The following PARD3B variants were observed in gnomAD, a reference collection of about 807,000 sequenced individuals.
The protein encoded by PARD3B is partitioning defective 3 homolog B.
In PARD3B, 103 loss-of-function variants were observed where a neutral mutation model predicts 130.2. The observed-to-expected ratio is 0.79, with a 90% confidence interval of 0.67 to 0.93. The LOEUF (loss-of-function observed/expected upper bound fraction) is 0.93. PARD3B is among the 40% of genes least tolerant of loss of function. PARD3B has a pLI of 0.00. For synonymous variants in PARD3B, 583 were observed against 553.2 expected, an observed-to-expected ratio of 1.05 and a Z score of -0.76; for missense variants, 1,609 against 1,499.2, an observed-to-expected ratio of 1.07 and a Z score of -1.21.
At position 205,460,241 on chromosome 2, in the gene PARD3B, T is replaced by A. The variant is rs2048403519; in HGVS notation, c.3044+19569T>A. Among the ~76,000 whole-genome samples the A allele has an allele frequency of 2.0e-5, 3 of 152,196 alleles. No individual in the cohort carries two copies. The highest frequency in any genetic ancestry group is 2.0e-4 in the Admixed American group (3 of 15,272). On this transcript the variant is annotated intron_variant, in intron 20 of 22. Coordinates refer to ENST00000406610, the MANE Select transcript of PARD3B (RefSeq NM_001302769.2). The surrounding 1 kb of genome is among the most constrained non-coding windows in gnomAD (Gnocchi z 4.9). ...GAGTCTAAATGCAGCTTTGAGGATATGCAGTTCGTAAATTTCCTACTGGGT... is the reference window on the plus strand; with the variant it reads ...GAGTCTAAATGCAGCTTTGAGGATAAGCAGTTCGTAAATTTCCTACTGGGT...
chr2:205,210,745 A>G (rs1046430965), intron 15 of PARD3B, among the ~76,000 whole-genome samples: 1 of 151,974 alleles, frequency 6.6e-6, no homozygotes, highest in Non-Finnish European at 1.5e-5. Flanking sequence ...TGCCAGTGTT[A>G]TAGGCTTAAA....
rs1460397538 is a variant in PARD3B at position 205,022,612 on chromosome 2, A to G, written c.395-24969A>G. ...ATCTTAGAATTGCCAAGGTAGATGG[A>G]AGATGAAGAGAAAATCCGGATTCCA... On this transcript the variant is annotated intron_variant, in intron 3 of 22. Coordinates refer to ENST00000406610, the MANE Select transcript of PARD3B (RefSeq NM_001302769.2). Among the ~76,000 whole-genome samples the G allele has an allele frequency of 4.6e-5, 7 of 152,312 alleles. No individual in the cohort carries two copies. The East Asian group carries it at 1.4e-3, about 29-fold the overall frequency.
At position 204,908,007 on chromosome 2, in the gene PARD3B, A is replaced by G. The variant is rs539601997; in HGVS notation, c.223-57145A>G. ...ATGAGCCACCGCACCCAGCCTAAAGAGTGTTTTTTAAGTTCCCTTCTAACT... is the reference window on the plus strand; with the variant it reads ...ATGAGCCACCGCACCCAGCCTAAAGGGTGTTTTTTAAGTTCCCTTCTAACT... On this transcript the variant is annotated intron_variant, in intron 2 of 22. Coordinates refer to ENST00000406610, the MANE Select transcript of PARD3B (RefSeq NM_001302769.2). 5.9e-5 allele frequency among the ~76,000 whole-genome samples: 9 copies of G among 152,162 alleles called. No individual in the cohort carries two copies. The East Asian group carries it at 1.5e-3, about 26-fold the overall frequency.
At chr2:205,604,349 A>G (rs1373042162) in intron 22 of PARD3B, among the ~76,000 whole-genome samples, 5 of 152,186 alleles carry the variant, frequency 3.3e-5, no homozygotes, top group Non-Finnish European at 4.4e-5. Flanking sequence ...CATGTCTTAC[A>G]TAGATGGCAG....
intron 1 of PARD3B, among the ~76,000 whole-genome samples, chr2:204,639,552 T>C (rs997229200): frequency 6.6e-6 from 1 of 152,236 alleles, no homozygotes; most frequent in Non-Finnish European, 1.5e-5. Flanking sequence ...CTTGTCATTA[T>C]TCCCTAAGCA....
chr2:205,224,111 T>C (rs1304479036), intron 15 of PARD3B, among the ~76,000 whole-genome samples: 2 of 148,010 alleles, frequency 1.4e-5, no homozygotes, highest in Non-Finnish European at 3.0e-5. Context: ...GGCTCACACC[T>C]GTAATCCCAG....
chr2:204,743,933 C>T (rs1201272313), intron 2 of PARD3B, among the ~76,000 whole-genome samples: 1 of 152,094 alleles, frequency 6.6e-6, no homozygotes, highest in Non-Finnish European at 1.5e-5. Flanking sequence ...CTAATAACAA[C>T]TAGGACTACC....
chr2:205,264,453 A>G (rs1420988494), intron 16 of PARD3B, among the ~76,000 whole-genome samples: 3 of 151,150 alleles, frequency 2.0e-5, no homozygotes, highest in Non-Finnish European at 3.0e-5. Flanking sequence ...TGGAAATGCA[A>G]AGTTTCTAGC....
At chr2:205,196,993 T>A in intron 15 of PARD3B, among the ~76,000 whole-genome samples, 1 of 149,344 alleles carries the variant, frequency 6.7e-6, no homozygotes. Flanking sequence ...TCAAAATGAG[T>A]TTAAAGATGA....
In PARD3B at chr2:205,274,463, T is replaced by C. The variant is rs1574565377; in HGVS notation, c.2186-26067T>C. Among the ~76,000 whole-genome samples, 3 of 152,164 alleles carry C rather than the reference T, an allele frequency of 2.0e-5. No homozygotes were observed. The South Asian group carries it at 6.2e-4, about 32-fold the overall frequency. Reference sequence around the variant, plus strand: ...ACCTGTAGTAATCTTATTCACCTCATTGGTAAGTTCTTGCAATATTTATTA... The same window carrying C: ...ACCTGTAGTAATCTTATTCACCTCACTGGTAAGTTCTTGCAATATTTATTA... On this transcript the variant is annotated intron_variant, in intron 16 of 22. Transcript: ENST00000406610. This position sits in a 1 kb window ranked among gnomAD's most constrained non-coding sequence, Gnocchi z 4.2.
At chr2:204,645,646 C>T (rs554584341) in intron 1 of PARD3B, among the ~76,000 whole-genome samples, 1 of 152,080 alleles carries the variant, frequency 6.6e-6, no homozygotes, top group East Asian at 1.9e-4. Context: ...TCATAGTAGC[C>T]CATTCTTGTA....
At position 205,291,401 on chromosome 2, in the gene PARD3B, T is replaced by G. The variant is rs944248557; in HGVS notation, c.2186-9129T>G. Among the ~76,000 whole-genome samples the G allele has an allele frequency of 6.6e-6, 1 of 152,218 alleles. No homozygotes were observed. The highest frequency in any genetic ancestry group is 2.4e-5 in the African/African-American group (1 of 41,462). ...ATATGGATGGTAAAGGCCATTCTTA[T>G]GAGGTCTCAGATGGAAATGAGGAAC... On this transcript the variant is annotated intron_variant, in intron 16 of 22. Coordinates refer to ENST00000406610, the MANE Select transcript of PARD3B (RefSeq NM_001302769.2). This position sits in a 1 kb window ranked among gnomAD's most constrained non-coding sequence, Gnocchi z 4.6.
intron 16 of PARD3B, among the ~76,000 whole-genome samples, chr2:205,290,712 A>G (rs1303351189): frequency 2.0e-5 from 3 of 152,204 alleles, no homozygotes; most frequent in Admixed American, 2.0e-4. Context: ...TATAGACAAA[A>G]TGTTTGTTTC....
chr2:204,953,669 G>A (rs987457447), intron 2 of PARD3B, among the ~76,000 whole-genome samples: 50 of 152,118 alleles, frequency 3.3e-4, no homozygotes, highest in African/African-American at 1.1e-3. Context: ...GTGGCCATTA[G>A]GTCTGGGAGT....
At chr2:205,094,458 A>G (rs1559431020) in intron 4 of PARD3B, among the ~76,000 whole-genome samples, 1 of 152,272 alleles carries the variant, frequency 6.6e-6, no homozygotes, top group Non-Finnish European at 1.5e-5. Flanking sequence ...GCGGTTCTCT[A>G]TCTAATAGTT....
At chr2:205,247,929 T>A (rs2039640019) in intron 16 of PARD3B, among the ~76,000 whole-genome samples, 1 of 151,910 alleles carries the variant, frequency 6.6e-6, no homozygotes, top group East Asian at 1.9e-4. Context: ...TTGTTTTTTG[T>A]TTTTTGTTTT....
chr2:205,046,807 A>G (rs1269674737), intron 3 of PARD3B, among the ~76,000 whole-genome samples: 1 of 152,214 alleles, frequency 6.6e-6, no homozygotes, highest in African/African-American at 2.4e-5. Context: ...GTTTCTCTGT[A>G]GTGGCCAACT....
At chr2:204,581,072 G>T (rs2032530500) in intron 1 of PARD3B, among the ~76,000 whole-genome samples, 1 of 152,126 alleles carries the variant, frequency 6.6e-6, no homozygotes, top group Non-Finnish European at 1.5e-5. Flanking sequence ...CAAGCCAATA[G>T]ATGTATCACA....
chr2:205,211,034 C>T (rs1435343337), intron 15 of PARD3B, among the ~76,000 whole-genome samples: 1 of 152,050 alleles, frequency 6.6e-6, no homozygotes, highest in East Asian at 1.9e-4. Flanking sequence ...ATTAAGTGTT[C>T]AGAAAAATGT....
Sources: allele counts gnomAD v4.1 joint callset (sites outside exome capture counted in the v4.1 genomes callset), GRCh38; gene constraint gnomAD v4.1.1; non-coding constraint Gnocchi (gnomAD v3.1); transcripts MANE v1.5; gene names NCBI Gene and HGNC (gene_info 2026-07-23, HGNC 2026-07-21).